Variants in ELP4 observed in about 807,000 individuals in gnomAD.
ELP4 encodes the protein elongator acetyltransferase complex subunit 4, also known as elongator complex protein 4.
Under a neutral mutation model 48.9 loss-of-function variants are expected in ELP4, and 51 were observed. That is an observed-to-expected ratio of 1.04 (90% CI 0.83 to 1.32). The LOEUF (loss-of-function observed/expected upper bound fraction) is 1.32. Ranked by LOEUF, ELP4 falls within the 40% of genes most tolerant of loss-of-function variation. ELP4 has a pLI of 0.00. For missense variants in ELP4, 519 were observed against 514.6 expected (o/e 1.01, Z -0.08); for synonymous variants, 210 against 189.2 (o/e 1.11, Z -0.90).
intron 8 of ELP4, chr11:31,649,913 A>G (rs1010793606): frequency 1.5e-5 from 6 of 390,982 alleles, no homozygotes; most frequent in Admixed American, 8.9e-5. Flanking sequence ...TTCCTCGCAC[A>G]AGGATTTCTG....
intron 3 of ELP4, among the ~76,000 whole-genome samples, chr11:31,551,845 T>C (rs564789373): frequency 6.6e-6 from 1 of 152,290 alleles, no homozygotes; most frequent in South Asian, 2.1e-4. Context: ...ACGGTGACAC[T>C]TGACCTTGTG....
chr11:31,666,489 C>G (rs1397703319), intron 9 of ELP4, among the ~76,000 whole-genome samples: 1 of 151,898 alleles, frequency 6.6e-6, no homozygotes, highest in East Asian at 2.0e-4. Flanking sequence ...GTCAGGAGAT[C>G]GAGACGATTC....
intron 3 of ELP4, among the ~76,000 whole-genome samples, chr11:31,577,922 A>G (rs951875565): frequency 6.6e-6 from 1 of 152,322 alleles, no homozygotes; most frequent in East Asian, 1.9e-4. Context: ...CCCATTCAAC[A>G]TAGTGTTGGA....
intron 9 of ELP4, among the ~76,000 whole-genome samples, chr11:31,716,077 G>C (rs1006186827): frequency 6.6e-6 from 1 of 152,150 alleles, no homozygotes; most frequent in African/African-American, 2.4e-5. Context: ...GCAGTGGCAT[G>C]ATCGTAGCTC....
chr11:31,684,228 C>A (rs947990952), intron 9 of ELP4, among the ~76,000 whole-genome samples: 49 of 150,646 alleles, frequency 3.3e-4, no homozygotes, highest in Admixed American at 1.2e-3. Flanking sequence ...AAAAAAAAAA[C>A]CAGAATCTCC....
chr11:31,633,263 A>G (rs1480017456), intron 7 of ELP4: 1 of 152,062 alleles, frequency 6.6e-6, no homozygotes, highest in East Asian at 1.9e-4. Flanking sequence ...TACAGCATAT[A>G]TAGCAAATAT....
chr11:31,658,158 A>G (rs1377438543), intron 9 of ELP4, among the ~76,000 whole-genome samples: 1 of 152,064 alleles, frequency 6.6e-6, no homozygotes, highest in Non-Finnish European at 1.5e-5. Flanking sequence ...TACATAAGCC[A>G]GAAAGCCTGT....
intron 6 of ELP4, 59 bp from the exon 7 acceptor site, chr11:31,632,158 G>A: frequency 7.3e-7 from 1 of 1,368,036 alleles, no homozygotes; most frequent in Non-Finnish European, 1.0e-6. Context: ...ACAGATAAAA[G>A]TGGTATTCTA....
intron 9 of ELP4, among the ~76,000 whole-genome samples, chr11:31,768,810 T>C (rs1405522230): frequency 6.6e-6 from 1 of 152,228 alleles, no homozygotes; most frequent in Non-Finnish European, 1.5e-5. Flanking sequence ...GTAAATATGT[T>C]TCAGCATAAA....
chr11:31,632,109 A>T (rs560856377), intron 6 of ELP4, 108 bp from the exon 7 acceptor site: 23 of 854,714 alleles, frequency 2.7e-5, no homozygotes, highest in East Asian at 1.1e-4. Flanking sequence ...TAACACATCT[A>T]TTGACATTGT....
At chr11:31,758,159 CTACAGATCTTTCAACACAGCTTAAAGT>C (rs985550058) in intron 9 of ELP4, among the ~76,000 whole-genome samples, 4 of 152,178 alleles carry the variant, frequency 2.6e-5, no homozygotes, top group Non-Finnish European at 5.9e-5. Flanking sequence ...CAATGTGGTT[CTACAGATCTTTCAACACAGCTTAAAGT>C]TACTGAATTC....
chr11:31,558,834 A>G (rs1956970946), intron 3 of ELP4, among the ~76,000 whole-genome samples: 1 of 152,192 alleles, frequency 6.6e-6, no homozygotes, highest in African/African-American at 2.4e-5. Flanking sequence ...TGTTATGTTC[A>G]AAAGAAATAA....
At chr11:31,658,239 A>C (rs1487753089) in intron 9 of ELP4, among the ~76,000 whole-genome samples, 1 of 151,970 alleles carries the variant, frequency 6.6e-6, no homozygotes, top group Non-Finnish European at 1.5e-5. Flanking sequence ...ATATATATAT[A>C]TGTAACATTC....
chr11:31,646,129 C>A (rs1265470333), intron 7 of ELP4: 2 of 151,612 alleles, frequency 1.3e-5, no homozygotes, highest in Non-Finnish European at 3.0e-5. Context: ...TGGCACAGAA[C>A]TGAAAGTAAG....
At chr11:31,753,386 G>A (rs918009217) in intron 9 of ELP4, among the ~76,000 whole-genome samples, 1 of 152,184 alleles carries the variant, frequency 6.6e-6, no homozygotes, top group African/African-American at 2.4e-5. Context: ...TCAGGGCCTT[G>A]ATATTGCTAT....
chr11:31,578,169 C>A (rs111598809), intron 3 of ELP4, among the ~76,000 whole-genome samples: 1 of 152,256 alleles, frequency 6.6e-6, no homozygotes, highest in East Asian at 1.9e-4. Flanking sequence ...AGAGCCAAAT[C>A]ATGAGTGAAC....
chr11:31,572,419 C>A (rs1209963322), intron 3 of ELP4, among the ~76,000 whole-genome samples: 1 of 152,170 alleles, frequency 6.6e-6, no homozygotes, highest in African/African-American at 2.4e-5. Context: ...AGCCTCTAGA[C>A]GAGGAAAGTA....
intron 5 of ELP4, among the ~76,000 whole-genome samples, chr11:31,619,663 G>GTT (rs34952028): frequency 4.3e-4 from 62 of 145,308 alleles, no homozygotes; most frequent in East Asian, 8.1e-4. Flanking sequence ...GTTTTTTATT[G>GTT]TTTTTTTTTT....
At chr11:31,537,662 G>C (rs1038882897) in intron 2 of ELP4, among the ~76,000 whole-genome samples, 2 of 152,142 alleles carry the variant, frequency 1.3e-5, no homozygotes, top group Non-Finnish European at 2.9e-5. Context: ...AGGAGGAAGA[G>C]AAAGAGTGGG....
Sources: gnomAD v4.1 joint callset for allele counts (sites outside exome capture counted in the v4.1 genomes callset) on GRCh38, gnomAD v4.1.1 for gene constraint, MANE v1.5 for transcripts, NCBI Gene and HGNC (gene_info 2026-07-23, HGNC 2026-07-21) for gene names.